The following OSBPL1A variants were observed in gnomAD, a reference collection of about 807,000 sequenced individuals.
OSBPL1A encodes the protein oxysterol-binding protein-related protein 1.
In OSBPL1A, 80 loss-of-function variants were observed where a neutral mutation model predicts 137.1. That is an observed-to-expected ratio of 0.58 (90% CI 0.49 to 0.70). OSBPL1A has a LOEUF of 0.70. OSBPL1A is among the 30% of genes least tolerant of loss of function. The probability of loss-of-function intolerance (pLI) is 0.00; values close to 1 mark genes in which losing one functional copy is unlikely to be tolerated. For synonymous variants in OSBPL1A, 365 were observed against 389.7 expected (o/e 0.94, Z 0.75); for missense variants, 970 against 1,129.4 (o/e 0.86, Z 2.02).
intron 18 of OSBPL1A, among the ~76,000 whole-genome samples, chr18:24,182,466 G>A (rs2086632304): frequency 6.6e-6 from 1 of 152,174 alleles, no homozygotes; most frequent in Non-Finnish European, 1.5e-5. Flanking sequence ...GTGGGCGGGT[G>A]AACAGTCCTG....
chr18:24,328,035 ACT>A (rs2091010582), intron 7 of OSBPL1A, among the ~76,000 whole-genome samples: 1 of 127,912 alleles, frequency 7.8e-6, no homozygotes, highest in Admixed American at 8.6e-5. Flanking sequence ...TAGAAATCAC[ACT>A]TTTTTTTTTT....
At chr18:24,348,195 T>C (rs1025315456) in intron 4 of OSBPL1A, among the ~76,000 whole-genome samples, 3 of 152,070 alleles carry the variant, frequency 2.0e-5, no homozygotes, top group African/African-American at 7.2e-5. Flanking sequence ...TAAATGTATA[T>C]CCACTTAAAA....
At chr18:24,170,911 G>C (rs1003727563) in intron 23 of OSBPL1A, among the ~76,000 whole-genome samples, 1 of 150,324 alleles carries the variant, frequency 6.7e-6, no homozygotes, top group Non-Finnish European at 1.5e-5. Flanking sequence ...GCCTCCCAAA[G>C]TGCTGGGAAT....
intron 14 of OSBPL1A, among the ~76,000 whole-genome samples, chr18:24,288,917 T>C (rs752146086): frequency 6.6e-5 from 10 of 152,128 alleles, no homozygotes; most frequent in African/African-American, 2.4e-4. Context: ...GGACTATCTA[T>C]AGCCTGAACA....
At position 24,298,439 on chromosome 18, in the gene OSBPL1A, C is replaced by T. The variant is rs548240207; in HGVS notation, c.1174+5198G>A. 7.2e-5 allele frequency among the ~76,000 whole-genome samples: 11 copies of T among 152,296 alleles called. No individual in the cohort carries two copies. In the South Asian group the frequency reaches 1.9e-3, roughly 26 times the overall value. On this transcript the variant is annotated intron_variant, in intron 14 of 27. Coordinates refer to ENST00000319481, the MANE Select transcript of OSBPL1A (RefSeq NM_080597.4). ...TTGGCTCACTGCAACCTCTACCCCC[C>T]GGGTTCAAGCGATTCTCCTGCCTCA...
intron 7 of OSBPL1A, among the ~76,000 whole-genome samples, chr18:24,325,531 G>T (rs1387981034): frequency 6.6e-6 from 1 of 152,162 alleles, no homozygotes; most frequent in Non-Finnish European, 1.5e-5. Context: ...AAGTTGCTTA[G>T]AGAGCCCTTC....
chr18:24,352,830 T>C (rs1186408893), intron 4 of OSBPL1A, among the ~76,000 whole-genome samples: 1 of 152,162 alleles, frequency 6.6e-6, no homozygotes, highest in Non-Finnish European at 1.5e-5. Context: ...ATTCCCTATT[T>C]AATAAATGGT....
chr18:24,180,729 T>C (rs2086584420), intron 19 of OSBPL1A, among the ~76,000 whole-genome samples: 1 of 151,980 alleles, frequency 6.6e-6, no homozygotes, highest in African/African-American at 2.4e-5. Flanking sequence ...TACAAAAAAT[T>C]AGCCAGGCAT....
chr18:24,389,911 C>G (rs763872708), intron 1 of OSBPL1A, among the ~76,000 whole-genome samples: 12 of 151,904 alleles, frequency 7.9e-5, no homozygotes, highest in Non-Finnish European at 1.8e-4. Context: ...CACTGCAGTC[C>G]AGCCTGGGTG....
chr18:24,358,579 G>A lies in OSBPL1A; in HGVS notation c.282+8313C>T, dbSNP rs2091574280. 3 of 699,186 alleles carry A rather than the reference G, an allele frequency of 4.3e-6. No homozygotes were observed. The South Asian group carries it at 4.5e-5, about 10-fold the overall frequency. The allele number at this position is 699,186 out of a possible 1,614,324, so 43.3% of individuals were successfully genotyped here. A position where few individuals can be genotyped will look rare whatever the true frequency, so the allele number is the denominator to read the frequency against. On this transcript the variant is annotated intron_variant, in intron 4 of 27. Coordinates refer to ENST00000319481, the MANE Select transcript of OSBPL1A (RefSeq NM_080597.4). Reference sequence around the variant, plus strand: ...CATCAAATGAAACGATACGTGTCAAGTTGTCTGGGCATCGCCTGAAACACA... The same window carrying A: ...CATCAAATGAAACGATACGTGTCAAATTGTCTGGGCATCGCCTGAAACACA...
intron 9 of OSBPL1A, 78 bp from the exon 10 acceptor site, chr18:24,317,478 G>T (rs2090757677): frequency 1.8e-6 from 2 of 1,126,256 alleles, no homozygotes; most frequent in African/African-American, 1.5e-5. Context: ...GTAATTAAGT[G>T]AGGACAGTCA....
intron 14 of OSBPL1A, among the ~76,000 whole-genome samples, chr18:24,286,119 T>C (rs1370467284): frequency 6.6e-6 from 1 of 152,136 alleles, no homozygotes; most frequent in Non-Finnish European, 1.5e-5. Flanking sequence ...ATCGCGCCAC[T>C]GCACTCCAGC....
intron 1 of OSBPL1A, among the ~76,000 whole-genome samples, chr18:24,391,201 G>T (rs7227332): frequency 0.49 from 74,821 of 151,948 alleles, 19,266 homozygotes; most frequent in African/African-American, 0.63. Flanking sequence ...GGACAAATAT[G>T]GTATGATTCC....
At chr18:24,382,670 G>C (rs1393388787) in intron 1 of OSBPL1A, among the ~76,000 whole-genome samples, 1 of 151,554 alleles carries the variant, frequency 6.6e-6, no homozygotes, top group African/African-American at 2.4e-5. Flanking sequence ...CAGTCCAGGA[G>C]ATCAAGACCA....
At chr18:24,199,593 G>A (rs926378146) in intron 17 of OSBPL1A, among the ~76,000 whole-genome samples, 1 of 152,182 alleles carries the variant, frequency 6.6e-6, no homozygotes, top group Admixed American at 6.5e-5. Context: ...GGGAGTTTAA[G>A]TATTTGTGGC....
chr18:24,223,872 T>C lies in OSBPL1A; in HGVS notation c.1601+1170A>G, dbSNP rs570734658. Among the ~76,000 whole-genome samples the C allele has an allele frequency of 3.9e-5, 6 of 152,290 alleles. No homozygotes were observed. In the South Asian group the frequency reaches 1.0e-3, roughly 26 times the overall value. On this transcript the variant is annotated intron_variant, in intron 17 of 27. Coordinates refer to ENST00000319481, the MANE Select transcript of OSBPL1A (RefSeq NM_080597.4). Reference sequence around the variant, plus strand: ...GTTCTCATCAGACTGGCATGGTGTATGTGTTAAATAGTTAAAGACTGTCTT... The same window carrying C: ...GTTCTCATCAGACTGGCATGGTGTACGTGTTAAATAGTTAAAGACTGTCTT...
intron 18 of OSBPL1A, among the ~76,000 whole-genome samples, chr18:24,191,167 TA>T (rs2086880079): frequency 6.6e-6 from 1 of 152,208 alleles, no homozygotes; most frequent in East Asian, 1.9e-4. Flanking sequence ...AGCCAATGAC[TA>T]ATGAAAGGTA....
chr18:24,270,337 T>C (rs1287998039), intron 15 of OSBPL1A, among the ~76,000 whole-genome samples: 2 of 152,214 alleles, frequency 1.3e-5, no homozygotes, highest in African/African-American at 4.8e-5. Flanking sequence ...TGAGTATCAG[T>C]AAGACCTTTG....
chr18:24,377,254 G>A (rs907868591), intron 2 of OSBPL1A, among the ~76,000 whole-genome samples, 159 bp downstream of exon 2: 15 of 152,252 alleles, frequency 9.9e-5, no homozygotes, highest in Non-Finnish European at 1.9e-4. Flanking sequence ...CTCTGACTCA[G>A]AGGGGGCTAG....
Sources: gnomAD v4.1 joint callset for allele counts (sites outside exome capture counted in the v4.1 genomes callset) on GRCh38, gnomAD v4.1.1 for gene constraint, MANE v1.5 for transcripts, NCBI Gene and HGNC (gene_info 2026-07-23, HGNC 2026-07-21) for gene names.